The following DTNB variants were observed in gnomAD, a reference collection of about 807,000 sequenced individuals.
DTNB encodes the protein dystrobrevin beta.
Under a neutral mutation model 90.7 loss-of-function variants are expected in DTNB, and 63 were observed. The observed-to-expected ratio is 0.69, with a 90% CI of 0.57 to 0.86. The LOEUF (loss-of-function observed/expected upper bound fraction) is 0.86, where lower values mean the gene tolerates loss of function less well. Ranked by LOEUF, DTNB falls within the 40% of genes least tolerant of loss-of-function variation. DTNB has a pLI of 0.00. For synonymous variants in DTNB, 277 were observed against 286.7 expected, an observed-to-expected ratio of 0.97 and a Z score of 0.34; for missense variants, 744 against 807.1, an observed-to-expected ratio of 0.92 and a Z score of 0.95.
At chr2:25,433,522 AT>A (rs560980051) in intron 13 of DTNB, among the ~76,000 whole-genome samples, 2,164 of 143,234 alleles carry the variant, frequency 0.015, 39 homozygotes, top group South Asian at 0.048. Context: ...AATGGCATTA[AT>A]TTTTTTTTTT....
chr2:25,483,795 G>C (rs1029998445), intron 9 of DTNB, among the ~76,000 whole-genome samples: 1 of 152,112 alleles, frequency 6.6e-6, no homozygotes, highest in African/African-American at 2.4e-5. Context: ...ACTTAAACTG[G>C]AAAATTTCTC....
At chr2:25,430,047 G>A (rs567452004) in intron 14 of DTNB, among the ~76,000 whole-genome samples, 1 of 152,034 alleles carries the variant, frequency 6.6e-6, no homozygotes, top group East Asian at 1.9e-4. Context: ...CCACCTCCAT[G>A]GTTCCAAATG....
At chr2:25,662,232 G>A (rs2083329326) in intron 1 of DTNB, among the ~76,000 whole-genome samples, 1 of 151,682 alleles carries the variant, frequency 6.6e-6, no homozygotes, top group East Asian at 1.9e-4. Context: ...ATGTCCTGAG[G>A]AGACACATAC....
At chr2:25,573,654 G>A (rs1038049929) in intron 8 of DTNB, among the ~76,000 whole-genome samples, 5 of 152,104 alleles carry the variant, frequency 3.3e-5, no homozygotes, top group Admixed American at 6.6e-5. Context: ...CCTAGAGCCC[G>A]GTGGGTGTGA....
intron 16 of DTNB, among the ~76,000 whole-genome samples, chr2:25,409,742 G>A (rs74949599): frequency 0.012 from 1,842 of 152,252 alleles, 25 homozygotes; most frequent in African/African-American, 0.042. Flanking sequence ...AGAACCGACG[G>A]TCCTTCTCCT....
intron 1 of DTNB, among the ~76,000 whole-genome samples, chr2:25,669,701 C>A (rs947552022): frequency 6.6e-6 from 1 of 152,158 alleles, no homozygotes; most frequent in Admixed American, 6.5e-5. Flanking sequence ...AAGTCCACAA[C>A]CGGGCCAGGT....
chr2:25,596,897 T>G (rs1315733707), intron 5 of DTNB, among the ~76,000 whole-genome samples: 2 of 152,208 alleles, frequency 1.3e-5, no homozygotes, highest in Non-Finnish European at 2.9e-5. Context: ...AATCTTCCAG[T>G]AATATTACTC....
chr2:25,505,806 C>T (rs1165152345), intron 9 of DTNB, among the ~76,000 whole-genome samples: 1 of 152,154 alleles, frequency 6.6e-6, no homozygotes, highest in East Asian at 1.9e-4. Flanking sequence ...TCTTTGACGT[C>T]AATGTCTTCA....
intron 9 of DTNB, among the ~76,000 whole-genome samples, chr2:25,484,204 C>T (rs2065645855): frequency 6.6e-6 from 1 of 152,192 alleles, no homozygotes; most frequent in South Asian, 2.1e-4. Flanking sequence ...TCTAACAAAG[C>T]ATTTCTCAGA....
intron 12 of DTNB, among the ~76,000 whole-genome samples, chr2:25,440,075 T>C (rs1224039825): frequency 6.6e-6 from 1 of 152,128 alleles, no homozygotes; most frequent in Non-Finnish European, 1.5e-5. Flanking sequence ...TCGGGGGTTG[T>C]AGCATCTAGA....
At chr2:25,380,610 G>T (rs1380251656) in intron 19 of DTNB, among the ~76,000 whole-genome samples, 1 of 152,268 alleles carries the variant, frequency 6.6e-6, no homozygotes, top group African/African-American at 2.4e-5. Context: ...CAGACAAGGA[G>T]CTCTAAGGGC....
At position 25,580,771 on chromosome 2, in the gene DTNB, TG is replaced by T; in HGVS notation, c.658del (p.Gln220SerfsTer32). The T allele has an allele frequency of 3.1e-6, 5 of 1,613,658 alleles. No individual in the cohort carries two copies. Among genetic ancestry groups the T allele is most frequent in the Non-Finnish European group, 4.2e-6 (5 of 1,179,642 alleles). ...LDTMMADPPP[Q>X]CLVWLPLMHR... ...CATGAGAGGTAGCCAGACAAGGCAC[TG>T]GGGAGGAGGGTCAGCCATCATTGTG... is the stretch of plus-strand genomic sequence containing the variant. On this transcript the variant is annotated frameshift_variant, in exon 7 of 21. Coordinates refer to ENST00000406818, the MANE Select transcript of DTNB (RefSeq NM_021907.5). LOFTEE classifies it high-confidence loss of function.
chr2:25,570,511 T>C (rs919805227), intron 8 of DTNB, among the ~76,000 whole-genome samples: 4 of 152,146 alleles, frequency 2.6e-5, no homozygotes, highest in Admixed American at 2.6e-4. Context: ...TCCATCTTTC[T>C]TAAACCTACT....
chr2:25,630,127 T>C (rs1472003527), intron 3 of DTNB, among the ~76,000 whole-genome samples: 2 of 152,192 alleles, frequency 1.3e-5, no homozygotes, highest in Non-Finnish European at 2.9e-5. Flanking sequence ...AACAAGCACA[T>C]GAAAAGATGC....
intron 1 of DTNB, among the ~76,000 whole-genome samples, chr2:25,655,162 T>C (rs1428629860): frequency 6.6e-6 from 1 of 152,232 alleles, no homozygotes; most frequent in African/African-American, 2.4e-5. Context: ...GTTTCGACTG[T>C]GAAAGCAGGC....
At chr2:25,432,542 C>T (rs879693790) in intron 14 of DTNB, among the ~76,000 whole-genome samples, 24 of 152,190 alleles carry the variant, frequency 1.6e-4, no homozygotes, top group Non-Finnish European at 2.5e-4. Context: ...GCATTCTTCC[C>T]GCCAAGTGTC....
Position 25,379,280 on chromosome 2 carries a change from T to C in DTNB, c.*29+10A>G, listed in dbSNP as rs760673390. 3.0e-6 allele frequency: 4 copies of C among 1,333,234 alleles called. No homozygotes were observed. The highest frequency in any genetic ancestry group is 5.6e-5 in the East Asian group (2 of 35,772). 82.6% of individuals were successfully genotyped at this position (1,333,234 alleles called of 1,614,324 possible). A position where few individuals can be genotyped will look rare whatever the true frequency, so the allele number is the denominator to read the frequency against. ...GGGCCGTGGGGAGGCAGAGGACTCT[T>C]TGTACTCACCTGAGCTTCCTCTGTG... On this transcript the variant is annotated intron_variant, in intron 20 of 20. Transcript: ENST00000406818.
intron 12 of DTNB, 107 bp downstream of exon 12, chr2:25,451,441 C>A: frequency 8.4e-7 from 1 of 1,190,922 alleles, no homozygotes; most frequent in South Asian, 1.8e-5. Context: ...GGAAAGTGTC[C>A]CCGAGGTACC....
intron 10 of DTNB, among the ~76,000 whole-genome samples, chr2:25,476,382 C>G (rs1251473320): frequency 2.6e-5 from 4 of 152,154 alleles, no homozygotes. Context: ...TTTTGACTTT[C>G]AAGTCTTATT....
Sources: gnomAD v4.1 joint callset for allele counts (sites outside exome capture counted in the v4.1 genomes callset) on GRCh38, gnomAD v4.1.1 for gene constraint, MANE v1.5 for transcripts, NCBI Gene and HGNC (gene_info 2026-07-23, HGNC 2026-07-21) for gene names.